Variants in SPOP observed in about 807,000 individuals in gnomAD.
SPOP encodes speckle-type POZ protein.
A neutral mutation model predicts 45.6 loss-of-function variants in SPOP; 11 were observed. The observed-to-expected ratio is 0.24, with a 90% CI of 0.15 to 0.40. The LOEUF (loss-of-function observed/expected upper bound fraction) is 0.40. Ranked by LOEUF, SPOP falls within the 10% of genes least tolerant of loss-of-function variation. SPOP has a pLI of 1.00. For missense variants in SPOP, 152 were observed against 465.6 expected (o/e 0.33, Z 6.20); for synonymous variants, 166 against 166.3 (o/e 1.00, Z 0.01).
chr17:49,654,048 A>G (rs1002252802), intron 1 of SPOP, among the ~76,000 whole-genome samples: 6 of 152,174 alleles, frequency 3.9e-5, no homozygotes, highest in Non-Finnish European at 8.8e-5. Flanking sequence ...TAAATGTACA[A>G]CTAAATTCCT....
At chr17:49,624,308 AACACACACACACGCGCGCGCGCGC>A (rs1432619030) in intron 1 of SPOP, among the ~76,000 whole-genome samples, 5 of 136,352 alleles carry the variant, frequency 3.7e-5, no homozygotes, top group African/African-American at 5.6e-5. Context: ...CCTACGCGGG[AACACACACACACGCGCGCGCGCGC>A]ACACACACAC....
At chr17:49,603,874 G>A (rs1317650461) in intron 8 of SPOP, among the ~76,000 whole-genome samples, 1 of 152,202 alleles carries the variant, frequency 6.6e-6, no homozygotes, top group Non-Finnish European at 1.5e-5. Flanking sequence ...GTGCTGAAAT[G>A]CTATCCTTGA....
intron 1 of SPOP, among the ~76,000 whole-genome samples, chr17:49,630,251 C>T (rs1402220735): frequency 6.6e-6 from 1 of 152,146 alleles, no homozygotes; most frequent in African/African-American, 2.4e-5. Context: ...ACTAATGTGA[C>T]CAAAAGGAGC....
chr17:49,642,116 A>T (rs1288836861), intron 1 of SPOP, among the ~76,000 whole-genome samples: 1 of 152,174 alleles, frequency 6.6e-6, no homozygotes, highest in African/African-American at 2.4e-5. Context: ...GGTGCGGTGC[A>T]AATCAGCATA....
chr17:49,665,120 TATA>T (rs1433464616), intron 1 of SPOP, among the ~76,000 whole-genome samples: 2 of 152,174 alleles, frequency 1.3e-5, no homozygotes. Context: ...GACACCAAAT[TATA>T]ATAAGGTTCC....
At chr17:49,656,268 A>G (rs1360506280) in intron 1 of SPOP, among the ~76,000 whole-genome samples, 1 of 152,224 alleles carries the variant, frequency 6.6e-6, no homozygotes, top group Admixed American at 6.5e-5. Context: ...ATATTTAAGT[A>G]TTGGGAAGAT....
intron 1 of SPOP, among the ~76,000 whole-genome samples, chr17:49,672,622 T>C (rs927649545): frequency 1.3e-5 from 2 of 152,202 alleles, no homozygotes; most frequent in Non-Finnish European, 2.9e-5. Flanking sequence ...TGATATATTC[T>C]ACAAGACAAA....
intron 8 of SPOP, among the ~76,000 whole-genome samples, chr17:49,603,606 A>G (rs539588630): frequency 2.0e-5 from 3 of 152,358 alleles, no homozygotes; most frequent in Admixed American, 1.3e-4. Context: ...GAAAAGCTTA[A>G]GAGAAGCTGT....
At chr17:49,665,852 T>TG (rs1462776151) in intron 1 of SPOP, among the ~76,000 whole-genome samples, 3 of 143,760 alleles carry the variant, frequency 2.1e-5, no homozygotes, top group African/African-American at 7.8e-5. Flanking sequence ...GGTGTGGTGG[T>TG]GCACACCTGT....
At chr17:49,655,062 G>A (rs1015176986) in intron 1 of SPOP, among the ~76,000 whole-genome samples, 1 of 152,024 alleles carries the variant, frequency 6.6e-6, no homozygotes, top group Non-Finnish European at 1.5e-5. Flanking sequence ...TGTAACACTA[G>A]GAAGGAGATA....
chr17:49,615,351 T>C (rs963674029), intron 5 of SPOP, among the ~76,000 whole-genome samples: 2 of 152,228 alleles, frequency 1.3e-5, no homozygotes, highest in African/African-American at 4.8e-5. Flanking sequence ...TGCTTCTTTA[T>C]TGCTAATGGC....
intron 8 of SPOP, among the ~76,000 whole-genome samples, chr17:49,604,464 A>G (rs536870924): frequency 9.9e-4 from 151 of 152,332 alleles, no homozygotes; most frequent in African/African-American, 3.4e-3. Flanking sequence ...CTATAAACAC[A>G]GGCACTTTCC....
intron 1 of SPOP, among the ~76,000 whole-genome samples, chr17:49,637,638 A>T (rs540538045): frequency 6.6e-6 from 1 of 152,230 alleles, no homozygotes; most frequent in Non-Finnish European, 1.5e-5. Context: ...GGCGTGAGCC[A>T]CTGCGCCCAG....
intron 1 of SPOP, among the ~76,000 whole-genome samples, chr17:49,632,514 CAG>C (rs2072469300): frequency 6.7e-6 from 1 of 149,978 alleles, no homozygotes; most frequent in Admixed American, 6.6e-5. Context: ...TTTTTCCAGA[CAG>C]AGTTTCATTC....
chr17:49,600,157 G>A lies in SPOP; in HGVS notation c.*221C>T. On this transcript the variant is annotated 3_prime_UTR_variant, in exon 10 of 10. Transcript: ENST00000504102. The surrounding 1 kb of genome is among the most constrained non-coding windows in gnomAD (Gnocchi z 4.2). ...GTATCAAACTCAGCCAGGCCAAAGG[G>A]AACACAGTGACGCAGCAACAGGGTT... The A allele has an allele frequency of 3.2e-6, 2 of 630,896 alleles. No homozygotes were observed. The highest frequency in any genetic ancestry group is 5.5e-6 in the Non-Finnish European group (2 of 365,336). 39.1% of individuals were successfully genotyped at this position (630,896 alleles called of 1,614,324 possible).
At chr17:49,650,462 C>T (rs2072827959) in intron 1 of SPOP, among the ~76,000 whole-genome samples, 1 of 152,068 alleles carries the variant, frequency 6.6e-6, no homozygotes, top group Non-Finnish European at 1.5e-5. Context: ...CGCCTATAGT[C>T]CCAGCTACTC....
intron 1 of SPOP, among the ~76,000 whole-genome samples, chr17:49,668,711 A>G (rs1253786321): frequency 6.6e-6 from 1 of 151,974 alleles, no homozygotes; most frequent in Non-Finnish European, 1.5e-5. Flanking sequence ...TTTAAGATAT[A>G]CATATATACA....
At chr17:49,622,634 G>A in intron 2 of SPOP, 99 bp downstream of exon 2, 1 of 1,029,114 alleles carries the variant, frequency 9.7e-7, no homozygotes, top group Non-Finnish European at 1.5e-6. Flanking sequence ...TTATGTTCCA[G>A]AGAAAGCAAG....
At chr17:49,625,347 G>T (rs939112540) in intron 1 of SPOP, among the ~76,000 whole-genome samples, 6 of 152,138 alleles carry the variant, frequency 3.9e-5, no homozygotes, top group Admixed American at 2.0e-4. Flanking sequence ...GGTGGCTCAC[G>T]CCTGTAATCC....
Sources: allele counts gnomAD v4.1 joint callset (sites outside exome capture counted in the v4.1 genomes callset), GRCh38; gene constraint gnomAD v4.1.1; non-coding constraint Gnocchi (gnomAD v3.1); transcripts MANE v1.5; gene names NCBI Gene and HGNC (gene_info 2026-07-23, HGNC 2026-07-21).